UTRN: variants seen among roughly 807,000 people sequenced by gnomAD.
UTRN encodes the protein utrophin.
Under a neutral mutation model 463.9 loss-of-function variants are expected in UTRN, and 283 were observed. That is an observed-to-expected ratio of 0.61 (90% CI 0.55 to 0.67). The LOEUF (loss-of-function observed/expected upper bound fraction) is 0.67. UTRN is among the 30% of genes least tolerant of loss of function. The pLI, the probability that UTRN is intolerant of heterozygous loss-of-function variation, is 0.00. For missense variants in UTRN, 3,922 were observed against 4,084.3 expected (o/e 0.96, Z 1.08); for synonymous variants, 1,442 against 1,431.5 (o/e 1.01, Z -0.17).
intron 2 of UTRN, among the ~76,000 whole-genome samples, chr6:144,382,230 G>T (rs997732515): frequency 1.7e-4 from 26 of 152,246 alleles, no homozygotes; most frequent in African/African-American, 5.3e-4. Flanking sequence ...TAAAATGTAG[G>T]TTCTGTGAAG....
At chr6:144,773,187 A>G (rs965213716) in intron 59 of UTRN, among the ~76,000 whole-genome samples, 2 of 152,176 alleles carry the variant, frequency 1.3e-5, no homozygotes, top group Non-Finnish European at 2.9e-5. Flanking sequence ...TATTGGTTGT[A>G]GGATCATTTG....
At position 144,533,195 on chromosome 6, in the gene UTRN, A is replaced by G; in HGVS notation, c.6168A>G (p.Glu2056=). 6.2e-7 allele frequency: 1 copy of G among 1,614,192 alleles called. No individual in the cohort carries two copies. Among genetic ancestry groups the G allele is most frequent in the East Asian group, 2.2e-5 (1 of 44,884 alleles). ...LSQADGSFLK[E]KLAGLNQRWD... ...AGGCAGATGGAAGCTTCTTGAAAGA[A>G]AAACTGGCAGGTTTAAACCAACGCT... Residue 2056 remains glutamate (E), a synonymous_variant, in exon 43 of 75, where the codon GAA becomes GAG. Transcript: ENST00000367545.
In UTRN at chr6:144,554,679, T is replaced by C; in HGVS notation, c.6929-9T>C. ...GGGATTTTTTTTTCTTTTATAATGC[T>C]ACCCTCAGTGGAAAGGGTCAAGAAC... On this transcript the variant is annotated splice_polypyrimidine_tract_variant and intron_variant, in intron 48 of 74. Coordinates refer to ENST00000367545, the MANE Select transcript of UTRN (RefSeq NM_007124.3). 6.2e-7 allele frequency: 1 copy of C among 1,613,758 alleles called. No individual in the cohort carries two copies. The highest frequency in any genetic ancestry group is 8.5e-7 in the Non-Finnish European group (1 of 1,179,818).
rs189194780 is a variant in UTRN, at chr6:144,322,252, T to C, written c.79+30345T>C. On this transcript the variant is annotated intron_variant, in intron 2 of 74. Transcript: ENST00000367545. ...CTTGGATGGATGTTTGTTTGGGAGT[T>C]GGCTGTTTTCATTTGTTAAATAAAT... Among the ~76,000 whole-genome samples the C allele has an allele frequency of 2.7e-3, 416 of 152,362 alleles. 3 individuals are homozygous for C. The highest frequency in any genetic ancestry group is 8.2e-3 in the African/African-American group (343 of 41,594).
Position 144,447,369 on chromosome 6 carries a change from T to C in UTRN, c.1722+51T>C, listed in dbSNP as rs79570467. The C allele has an allele frequency of 4.2e-4, 653 of 1,549,650 alleles. 5 individuals carry two copies. The highest frequency in any genetic ancestry group is 2.1e-4 in the Non-Finnish European group (239 of 1,133,432). On this transcript the variant is annotated intron_variant, in intron 15 of 74. Transcript: ENST00000367545. ...GTGTTGTAAGCCTATGATATCTTAA[T>C]GTTTTATAGCTAATGGTTAGTAGAA... is the stretch of plus-strand genomic sequence containing the variant.
intron 53 of UTRN, among the ~76,000 whole-genome samples, chr6:144,705,618 C>T (rs1274969983): frequency 6.6e-6 from 1 of 152,128 alleles, no homozygotes; most frequent in East Asian, 1.9e-4. Context: ...AGACCCACCT[C>T]CCAATACCAT....
At chr6:144,488,578 A>G in intron 29 of UTRN, 95 bp from the exon 30 acceptor site, 1 of 1,238,632 alleles carries the variant, frequency 8.1e-7, no homozygotes, top group Non-Finnish European at 1.1e-6. Flanking sequence ...CTTGGATGAA[A>G]GCTTTTATGG....
intron 3 of UTRN, among the ~76,000 whole-genome samples, chr6:144,413,391 C>G (rs866248187): frequency 6.6e-6 from 1 of 152,154 alleles, no homozygotes; most frequent in Admixed American, 6.5e-5. Context: ...ACCCACAGTT[C>G]CACATGGCTG....
rs1405130037 is a variant in UTRN at position 144,459,231 on chromosome 6, T to C, written c.2584T>C (p.Cys862Arg). The C allele has an allele frequency of 1.2e-6, 2 of 1,614,020 alleles. No individual in the cohort carries two copies. The highest frequency in any genetic ancestry group is 1.7e-6 in the Non-Finnish European group (2 of 1,179,966). ...HPKIEMARAS[C>R]SALMSQPSAP... ...CAAAATTGAAATGGCTCGTGCAAGCTGCTCGGCCCTGATGTCTCAGCCTTC... is the reference window on the plus strand; with the variant it reads ...CAAAATTGAAATGGCTCGTGCAAGCCGCTCGGCCCTGATGTCTCAGCCTTC... The change falls in exon 21 of 75, where the codon TGC becomes CGC. Residue 862 changes from cysteine (C) to arginine (R), a missense_variant. Cys to Arg is a radical substitution (Grantham distance 180). Transcript: ENST00000367545.
At chr6:144,612,888 G>T (rs908229630) in intron 51 of UTRN, among the ~76,000 whole-genome samples, 1 of 151,970 alleles carries the variant, frequency 6.6e-6, no homozygotes, top group Non-Finnish European at 1.5e-5. Flanking sequence ...AGTGTTAAAG[G>T]GATATTTGCA....
At chr6:144,562,657 A>G (rs184572504) in intron 50 of UTRN, among the ~76,000 whole-genome samples, 27 of 152,318 alleles carry the variant, frequency 1.8e-4, no homozygotes, top group East Asian at 5.8e-4. Flanking sequence ...CAGTGCTGCA[A>G]TGAACATACA....
At chr6:144,379,401 T>C (rs1780723719) in intron 2 of UTRN, among the ~76,000 whole-genome samples, 1 of 152,278 alleles carries the variant, frequency 6.6e-6, no homozygotes, top group African/African-American at 2.4e-5. Context: ...CTAGAGGATC[T>C]GATTCCAAGA....
intron 2 of UTRN, among the ~76,000 whole-genome samples, chr6:144,378,121 CAT>C (rs959847787): frequency 1.5e-4 from 23 of 152,204 alleles, no homozygotes; most frequent in African/African-American, 5.3e-4. Context: ...GATCCTTAAA[CAT>C]GTGGAAAAGA....
intron 52 of UTRN, among the ~76,000 whole-genome samples, chr6:144,699,107 A>C (rs149321131): frequency 5.7e-4 from 87 of 152,262 alleles, no homozygotes; most frequent in African/African-American, 2.0e-3. Context: ...GTTTTTGGTT[A>C]CAAGAGAAAG....
rs139059063 is a variant in UTRN, at chr6:144,761,046, C to T, written c.8495+3057C>T. ...TATTTTGAAGTGCACTGCGGTGGCT[C>T]CATGGCTCATGTGTTTGTAGAAAAT... On this transcript the variant is annotated intron_variant, in intron 58 of 74. Coordinates refer to ENST00000367545, the MANE Select transcript of UTRN (RefSeq NM_007124.3). Among the ~76,000 whole-genome samples the T allele has an allele frequency of 1.6e-4, 24 of 152,172 alleles. No individual in the cohort carries two copies. In the East Asian group the frequency reaches 2.1e-3, roughly 13 times the overall value.
At chr6:144,449,993 C>T (rs1426375151) in intron 17 of UTRN, among the ~76,000 whole-genome samples, 2 of 152,096 alleles carry the variant, frequency 1.3e-5, no homozygotes, top group African/African-American at 2.4e-5. Flanking sequence ...AGAAAGGGGC[C>T]GGGTAGAAGG....
chr6:144,641,953 A>G (rs771630118), intron 51 of UTRN, among the ~76,000 whole-genome samples: 1 of 152,212 alleles, frequency 6.6e-6, no homozygotes, highest in Non-Finnish European at 1.5e-5. Flanking sequence ...TTTAGCTATA[A>G]TTAAAATCTA....
intron 2 of UTRN, among the ~76,000 whole-genome samples, chr6:144,364,648 A>G (rs529095570): frequency 5.7e-4 from 87 of 152,326 alleles, no homozygotes; most frequent in African/African-American, 2.0e-3. Context: ...CACAAATTTG[A>G]TGGCTTAAAA....
At chr6:144,781,696 A>T (rs1775845252) in intron 60 of UTRN, among the ~76,000 whole-genome samples, 1 of 152,212 alleles carries the variant, frequency 6.6e-6, no homozygotes, top group Non-Finnish European at 1.5e-5. Flanking sequence ...ATGAGATAAG[A>T]TTGGGAAGCA....
Sources: gnomAD v4.1 joint callset for allele counts (sites outside exome capture counted in the v4.1 genomes callset) on GRCh38, gnomAD v4.1.1 for gene constraint, MANE v1.5 for transcripts, NCBI Gene and HGNC (gene_info 2026-07-23, HGNC 2026-07-21) for gene names.